The following ABI3BP variants were observed in gnomAD, a reference collection of about 807,000 sequenced individuals.
ABI3BP encodes the protein target of Nesh-SH3.
Under a neutral mutation model 268.6 loss-of-function variants are expected in ABI3BP, and 216 were observed. The observed-to-expected ratio is 0.80, with a 90% CI of 0.72 to 0.90. The LOEUF (loss-of-function observed/expected upper bound fraction) is 0.90. ABI3BP is among the 40% of genes least tolerant of loss of function. The pLI is 0.00. For synonymous variants in ABI3BP, 730 were observed against 730.0 expected (o/e 1.00, Z 0.00); for missense variants, 2,090 against 2,182.4 (o/e 0.96, Z 0.84).
chr3:100,803,241 C>A lies in ABI3BP; in HGVS notation c.3757+1551G>T, dbSNP rs1466805113. 6.2e-5 allele frequency among the ~76,000 whole-genome samples: 9 copies of A among 145,156 alleles called. No homozygotes were observed. The South Asian group carries it at 1.2e-3, about 20-fold the overall frequency. On this transcript the variant is annotated intron_variant, in intron 51 of 67. Transcript: ENST00000471714. ...AAGAATAAATAGGGATAGTTGTTAA[C>A]TATTTGTGTTGTTACAGGGATCAAG...
intron 3 of ABI3BP, among the ~76,000 whole-genome samples, chr3:100,901,893 T>G (rs1362558946): frequency 2.6e-5 from 4 of 152,216 alleles, no homozygotes; most frequent in African/African-American, 9.6e-5. Flanking sequence ...GCTATATTAT[T>G]TGATCTGAGA....
chr3:100,844,134 G>A (rs2098741069), intron 20 of ABI3BP: 1 of 985,086 alleles, frequency 1.0e-6, no homozygotes. Flanking sequence ...AAAGCTGAGT[G>A]GTCTGTAAAT....
intron 63 of ABI3BP, among the ~76,000 whole-genome samples, chr3:100,756,486 C>T (rs1291346123): frequency 6.6e-6 from 1 of 152,158 alleles, no homozygotes; most frequent in African/African-American, 2.4e-5. Flanking sequence ...GGGGTATTTT[C>T]ACATGAAATA....
chr3:100,808,317 T>G, intron 49 of ABI3BP, 82 bp from the exon 50 acceptor site: 1 of 1,022,972 alleles, frequency 9.8e-7, no homozygotes. Context: ...CAGGGATGTT[T>G]ACTGAGTGAT....
At chr3:100,854,277 T>C (rs1447604661) in intron 14 of ABI3BP, among the ~76,000 whole-genome samples, 1 of 151,686 alleles carries the variant, frequency 6.6e-6, no homozygotes, top group East Asian at 1.9e-4. Context: ...GAGAATCTCT[T>C]GAAACTGGGA....
At chr3:100,938,317 G>T (rs552363038) in intron 1 of ABI3BP, among the ~76,000 whole-genome samples, 114 of 145,284 alleles carry the variant, frequency 7.8e-4, no homozygotes, top group African/African-American at 2.6e-3. Context: ...AAAAAAACAA[G>T]CAAACATAGG....
At chr3:100,855,083 C>A (rs1404059558) in intron 14 of ABI3BP, among the ~76,000 whole-genome samples, 1 of 152,118 alleles carries the variant, frequency 6.6e-6, no homozygotes, top group Non-Finnish European at 1.5e-5. Context: ...TGTGCCACCA[C>A]ACCTGGCTAA....
intron 45 of ABI3BP, among the ~76,000 whole-genome samples, chr3:100,813,025 C>A (rs2097903133): frequency 6.6e-6 from 1 of 152,054 alleles, no homozygotes; most frequent in Non-Finnish European, 1.5e-5. Flanking sequence ...GGACTACAGG[C>A]ATGCACCACT....
At chr3:100,783,571 A>G (rs1333522768) in intron 57 of ABI3BP, among the ~76,000 whole-genome samples, 3 of 152,222 alleles carry the variant, frequency 2.0e-5, no homozygotes, top group African/African-American at 7.2e-5. Context: ...TCACAGCACA[A>G]TGGCAGAATT....
chr3:100,769,795 CA>C (rs1475538923), intron 62 of ABI3BP, among the ~76,000 whole-genome samples: 7 of 152,242 alleles, frequency 4.6e-5, no homozygotes, highest in Non-Finnish European at 8.8e-5. Flanking sequence ...GGTTCTTTCT[CA>C]AAACAAAGGC....
chr3:100,840,246 A>T, intron 22 of ABI3BP, 82 bp from the exon 23 acceptor site: 2 of 1,072,014 alleles, frequency 1.9e-6, no homozygotes, highest in Non-Finnish European at 2.6e-6. Flanking sequence ...TCTTAGAAGG[A>T]CATTTAAACC....
intron 57 of ABI3BP, 147 bp downstream of exon 57, chr3:100,787,581 T>A (rs555685975): frequency 6.6e-6 from 4 of 603,772 alleles, no homozygotes; most frequent in Admixed American, 7.5e-5. Flanking sequence ...GATTTTGGAA[T>A]GAGTTATAAT....
intron 9 of ABI3BP, among the ~76,000 whole-genome samples, chr3:100,870,798 A>G (rs1303461026): frequency 6.6e-6 from 1 of 152,218 alleles, no homozygotes; most frequent in African/African-American, 2.4e-5. Context: ...AACGACTTAA[A>G]TGTTCATTGA....
At chr3:100,938,552 T>G (rs972357054) in intron 1 of ABI3BP, among the ~76,000 whole-genome samples, 2 of 152,142 alleles carry the variant, frequency 1.3e-5, no homozygotes, top group Non-Finnish European at 1.5e-5. Context: ...CAGTTGTTCC[T>G]GATCCTTATA....
chr3:100,939,932 C>A (rs531823694), intron 1 of ABI3BP, among the ~76,000 whole-genome samples: 23 of 152,134 alleles, frequency 1.5e-4, no homozygotes, highest in Non-Finnish European at 3.1e-4. Flanking sequence ...TTCTCTTTCC[C>A]AGGGATGTTC....
At chr3:100,865,599 A>AATTGAG (rs1288282817) in intron 10 of ABI3BP, among the ~76,000 whole-genome samples, 1 of 152,224 alleles carries the variant, frequency 6.6e-6, no homozygotes, top group Non-Finnish European at 1.5e-5. Flanking sequence ...GAGAGCCAGA[A>AATTGAG]AGCCCCGGAA....
chr3:100,792,581 A>G, intron 55 of ABI3BP, 110 bp downstream of exon 55: 1 of 1,119,742 alleles, frequency 8.9e-7, no homozygotes, highest in Non-Finnish European at 1.3e-6. Flanking sequence ...AATGACAAAA[A>G]AAGTCAAGTA....
At chr3:100,951,433 A>T (rs2153765935) in intron 1 of ABI3BP, among the ~76,000 whole-genome samples, 1 of 152,108 alleles carries the variant, frequency 6.6e-6, no homozygotes, top group South Asian at 2.1e-4. Context: ...CTTTACAATT[A>T]AGGCTACAAT....
intron 1 of ABI3BP, among the ~76,000 whole-genome samples, chr3:100,939,679 G>A (rs530843669): frequency 2.2e-4 from 34 of 152,126 alleles, no homozygotes; most frequent in African/African-American, 6.3e-4. Context: ...CCACAGGACC[G>A]GGGAGAAATT....
Sources: gnomAD v4.1 joint callset for allele counts (sites outside exome capture counted in the v4.1 genomes callset) on GRCh38, gnomAD v4.1.1 for gene constraint, MANE v1.5 for transcripts, NCBI Gene and HGNC (gene_info 2026-07-23, HGNC 2026-07-21) for gene names.